The following CACNA2D2 variants were observed in gnomAD, a reference collection of about 807,000 sequenced individuals.
CACNA2D2 encodes the protein calcium voltage-gated channel auxiliary subunit alpha2delta 2.
Under a neutral mutation model 166.4 loss-of-function variants are expected in CACNA2D2, and 48 were observed. The observed-to-expected ratio is 0.29, with a 90% CI of 0.23 to 0.37. The LOEUF is 0.37. Ranked by LOEUF, CACNA2D2 falls within the 10% of genes least tolerant of loss-of-function variation. The pLI, the probability that CACNA2D2 is intolerant of heterozygous loss-of-function variation, is 1.00. For synonymous variants in CACNA2D2, 561 were observed against 573.7 expected (o/e 0.98, Z 0.32); for missense variants, 1,122 against 1,433.0 (o/e 0.78, Z 3.50).
intron 23 of CACNA2D2, among the ~76,000 whole-genome samples, chr3:50,368,456 C>T (rs587728346): frequency 3.9e-5 from 6 of 152,264 alleles, no homozygotes; most frequent in East Asian, 3.9e-4. Flanking sequence ...TTTCTCCATT[C>T]GGGCAGCTGC....
At chr3:50,483,867 C>A (rs2107127041) in intron 1 of CACNA2D2, among the ~76,000 whole-genome samples, 1 of 152,296 alleles carries the variant, frequency 6.6e-6, no homozygotes, top group Admixed American at 6.5e-5. Context: ...CTTAATTCAT[C>A]TGCATAGCAG....
intron 2 of CACNA2D2, among the ~76,000 whole-genome samples, chr3:50,436,485 A>C (rs1006173243): frequency 4.6e-5 from 7 of 152,182 alleles, no homozygotes; most frequent in Admixed American, 1.3e-4. Flanking sequence ...AGGGGGCTGC[A>C]GAGTGAGTGG....
intron 3 of CACNA2D2, among the ~76,000 whole-genome samples, chr3:50,406,893 T>C (rs557313208): frequency 6.6e-6 from 1 of 151,972 alleles, no homozygotes; most frequent in East Asian, 2.1e-4. Flanking sequence ...AAGAGTCTGA[T>C]GAAGAGACAG....
chr3:50,503,152 G>A (rs907480178), intron 1 of CACNA2D2, 66 bp downstream of exon 1: 5 of 979,940 alleles, frequency 5.1e-6, no homozygotes, highest in African/African-American at 3.5e-5. Context: ...AAGGAGTAGC[G>A]CGGACCGGGG....
At chr3:50,472,094 C>T (rs1029578621) in intron 2 of CACNA2D2, among the ~76,000 whole-genome samples, 37 of 152,314 alleles carry the variant, frequency 2.4e-4, no homozygotes, top group African/African-American at 8.2e-4. Context: ...TGGGGAGGGG[C>T]GGCCCCGGGT....
chr3:50,428,099 T>C (rs1489670898), intron 3 of CACNA2D2, among the ~76,000 whole-genome samples: 1 of 152,168 alleles, frequency 6.6e-6, no homozygotes, highest in Non-Finnish European at 1.5e-5. Context: ...GTTAGGCCAG[T>C]GGTTCTCAAC....
chr3:50,488,989 C>T (rs1461487019), intron 1 of CACNA2D2, among the ~76,000 whole-genome samples: 1 of 152,180 alleles, frequency 6.6e-6, no homozygotes. Context: ...CATGAGCCAC[C>T]GCGCACGTCC....
rs762405686 is a variant in CACNA2D2 at position 50,366,098 on chromosome 3, G to A, written c.2775C>T (p.Tyr925=). 2.6e-5 allele frequency: 42 copies of A among 1,613,794 alleles called. No individual in the cohort carries two copies. Among genetic ancestry groups the A allele is most frequent in the Non-Finnish European group, 3.6e-5 (42 of 1,179,944 alleles). Residue 925 remains tyrosine, a synonymous_variant, in exon 32 of 38, where the codon TAC becomes TAT. Coordinates refer to ENST00000424201, the MANE Select transcript of CACNA2D2 (RefSeq NM_006030.4). The surrounding 1 kb of genome is among the most constrained non-coding windows in gnomAD (Gnocchi z 5.9). ...GATAGTCATAGGACTCCTTGCGGGT[G>A]TAGAAGGAGTTATTGTAGAGTGCCA... The part of the protein sequence containing the change: ...LMLALYNNSF[Y]TRKESYDYQA...
intron 2 of CACNA2D2, among the ~76,000 whole-genome samples, chr3:50,444,958 G>C (rs1236554063): frequency 6.6e-6 from 1 of 152,154 alleles, no homozygotes; most frequent in Non-Finnish European, 1.5e-5. Context: ...TTCACACCTA[G>C]GACTCAGGAA....
chr3:50,481,127 A>G (rs1422845552), intron 1 of CACNA2D2, among the ~76,000 whole-genome samples: 1 of 151,996 alleles, frequency 6.6e-6, no homozygotes, highest in African/African-American at 2.4e-5. Flanking sequence ...AAATCAAAAA[A>G]CCAGAGACAG....
At chr3:50,455,287 C>T (rs1288937319) in intron 2 of CACNA2D2, among the ~76,000 whole-genome samples, 1 of 152,242 alleles carries the variant, frequency 6.6e-6, no homozygotes, top group Non-Finnish European at 1.5e-5. Context: ...TCTATTGCAG[C>T]TCTCACAGAT....
intron 2 of CACNA2D2, among the ~76,000 whole-genome samples, chr3:50,449,469 C>T (rs1358168344): frequency 6.6e-6 from 1 of 152,188 alleles, no homozygotes; most frequent in South Asian, 2.1e-4. Context: ...CCTGATGCCA[C>T]CTCCATGGCT....
chr3:50,483,225 T>C (rs1192951986), intron 1 of CACNA2D2, among the ~76,000 whole-genome samples: 1 of 152,176 alleles, frequency 6.6e-6, no homozygotes, highest in African/African-American at 2.4e-5. Context: ...ATGAGCAGCA[T>C]GATGCCTCCA....
intron 5 of CACNA2D2, among the ~76,000 whole-genome samples, chr3:50,385,287 C>CG (rs1705535498): frequency 6.6e-6 from 1 of 152,004 alleles, no homozygotes; most frequent in Non-Finnish European, 1.5e-5. Flanking sequence ...GAGCAAAGCT[C>CG]GGGGGCTTCC....
chr3:50,406,791 T>C (rs192224102), intron 3 of CACNA2D2, among the ~76,000 whole-genome samples: 35 of 151,888 alleles, frequency 2.3e-4, no homozygotes, highest in Middle Eastern at 3.4e-3. Flanking sequence ...ATCACCCCAC[T>C]GTGGTCACCT....
chr3:50,417,833 A>T (rs192864073), intron 3 of CACNA2D2, among the ~76,000 whole-genome samples: 18 of 152,286 alleles, frequency 1.2e-4, no homozygotes, highest in African/African-American at 4.3e-4. Flanking sequence ...TGAGGGCAGG[A>T]CCAGGCCGAC....
rs1298263050 is a variant in CACNA2D2 at position 50,366,886 on chromosome 3, G to A, written c.2534C>T (p.Ala845Val). The change falls in exon 29 of 38, where the codon GCT becomes GTT. Residue 845 changes from alanine (A) to valine (V), a missense_variant. Transcript: ENST00000424201. The surrounding 1 kb of genome is among the most constrained non-coding windows in gnomAD (Gnocchi z 5.9). Reference sequence around the variant, plus strand: ...GCTGGCTAGCACCTTGAACTTCTCAGCCCAAGCCTCTAGGTCCAGCTTGAC... The same window carrying A: ...GCTGGCTAGCACCTTGAACTTCTCAACCCAAGCCTCTAGGTCCAGCTTGAC... ...VGVKLDLEAW[A>V]EKFKVLASNR... The A allele has an allele frequency of 6.2e-7, 1 of 1,613,612 alleles. No homozygotes were observed. Among genetic ancestry groups the A allele is most frequent in the South Asian group, 1.1e-5 (1 of 91,084 alleles).
At chr3:50,454,427 A>C (rs1709256516) in intron 2 of CACNA2D2, among the ~76,000 whole-genome samples, 1 of 150,764 alleles carries the variant, frequency 6.6e-6, no homozygotes, top group Non-Finnish European at 1.5e-5. Flanking sequence ...CCCCCCAGCC[A>C]CCCCCAACCT....
At chr3:50,422,515 G>A (rs1473608587) in intron 3 of CACNA2D2, among the ~76,000 whole-genome samples, 2 of 152,188 alleles carry the variant, frequency 1.3e-5, no homozygotes, top group Non-Finnish European at 2.9e-5. Context: ...GATCTTCCCT[G>A]CCAAGCCCCC....
Sources: allele counts gnomAD v4.1 joint callset (sites outside exome capture counted in the v4.1 genomes callset), GRCh38; gene constraint gnomAD v4.1.1; non-coding constraint Gnocchi (gnomAD v3.1); transcripts MANE v1.5; gene names NCBI Gene and HGNC (gene_info 2026-07-23, HGNC 2026-07-21).